Variants in SLC18A1 observed in about 807,000 individuals in gnomAD.
The protein encoded by SLC18A1 is chromaffin granule amine transporter.
SLC18A1 carries 69 observed loss-of-function variants against 53.7 expected under a neutral mutation model. That is an observed-to-expected ratio of 1.28 (90% confidence interval 1.06 to 1.57). The LOEUF (loss-of-function observed/expected upper bound fraction) is 1.57, where lower values mean the gene tolerates loss of function less well. Ranked by LOEUF, SLC18A1 falls within the 40% of genes most tolerant of loss-of-function variation. The pLI, the probability that SLC18A1 is intolerant of heterozygous loss-of-function variation, is 0.00. For missense variants in SLC18A1, 932 were observed against 668.1 expected (o/e 1.40, Z -4.35); for synonymous variants, 320 against 248.1 (o/e 1.29, Z -2.72).
In SLC18A1 at chr8:20,179,129, G is replaced by A. The variant is rs759964977; in HGVS notation, c.480C>T (p.Leu160=). The part of the protein sequence containing the change: ...QLLVNPFVGP[L]TNRIGYHIPM... ...TGCACCCAGTGAGATACCTGTTGGT[G>A]AGAGGGCCCACGAATGGGTTGACCA... Residue 160 remains leucine, a synonymous_variant, in exon 3 of 16, where the codon CTC becomes CTT. Transcript: ENST00000276373. 8.1e-6 allele frequency: 13 copies of A among 1,610,670 alleles called. No individual in the cohort carries two copies. The highest frequency in any genetic ancestry group is 1.6e-4 in the Middle Eastern group (1 of 6,068).
Position 20,147,938 on chromosome 8 carries a change from G to C in SLC18A1, c.1210+69C>G, listed in dbSNP as rs543869222. On this transcript the variant is annotated intron_variant, in intron 13 of 15. Transcript: ENST00000276373. Reference sequence around the variant, plus strand: ...ACCTACCTCCTCTGATGAGAAAAGGGGGAGGAAAGGCATCAGACCCAAAGC... The same window carrying C: ...ACCTACCTCCTCTGATGAGAAAAGGCGGAGGAAAGGCATCAGACCCAAAGC... 3.3e-6 allele frequency: 5 copies of C among 1,538,126 alleles called. No individual in the cohort carries two copies. In the Admixed American group the frequency reaches 5.1e-5, roughly 16 times the overall value.
At chr8:20,149,564 CTG>C in intron 12 of SLC18A1, 110 bp downstream of exon 12, 3 of 815,000 alleles carry the variant, frequency 3.7e-6, no homozygotes, top group Non-Finnish European at 4.0e-6. Context: ...CTTTAAATGT[CTG>C]TGTCTTTCTC....
chr8:20,152,565 T>A (rs1395726392), intron 10 of SLC18A1, among the ~76,000 whole-genome samples: 3 of 151,984 alleles, frequency 2.0e-5, no homozygotes, highest in Non-Finnish European at 4.4e-5. Flanking sequence ...CTTAATCGAT[T>A]GGGTAGCTGG....
At chr8:20,178,542 C>G (rs542460776) in intron 3 of SLC18A1, 49 bp from the exon 4 acceptor site, 5 of 1,334,348 alleles carry the variant, frequency 3.7e-6, no homozygotes, top group African/African-American at 2.9e-5. Context: ...CAGGCACTCA[C>G]ATACATGGAC....
At chr8:20,172,934 G>C (rs945749832) in intron 6 of SLC18A1, 102 bp downstream of exon 6, 19 of 795,188 alleles carry the variant, frequency 2.4e-5, no homozygotes, top group African/African-American at 8.5e-5. Context: ...AATAGGATGA[G>C]GCCAACAAGG....
Position 20,179,170 on chromosome 8 carries a change from C to T in SLC18A1, c.439G>A (p.Ala147Thr). ...GGGTTGACCAGAAGTTGCATCACAG[C>T]CTTTGAAGCAAACAGAACCCCGACC... ...TRVGVLFASK[A>T]VMQLLVNPFV... Residue 147 changes from alanine (A) to threonine (T), a missense_variant, in exon 3 of 16, where the codon GCT becomes ACT. Physicochemically the swap from Ala to Thr is moderately conservative, Grantham distance 58. Transcript: ENST00000276373. The T allele has an allele frequency of 1.9e-6, 3 of 1,614,062 alleles. No individual in the cohort carries two copies. Among genetic ancestry groups the T allele is most frequent in the Non-Finnish European group, 1.7e-6 (2 of 1,179,978 alleles).
chr8:20,150,927 T>G, intron 10 of SLC18A1, 183 bp from the exon 11 acceptor site: 2 of 599,316 alleles, frequency 3.3e-6, no homozygotes, highest in Non-Finnish European at 6.0e-6. Flanking sequence ...ACACCTCTCC[T>G]TTCTTCAGGA....
intron 15 of SLC18A1, 26 bp downstream of exon 15, chr8:20,147,230 TTC>T: frequency 6.4e-7 from 1 of 1,568,570 alleles, no homozygotes. Flanking sequence ...AGAAGTGAAT[TTC>T]TCTTTTAACA....
At chr8:20,178,055 A>T (rs2072293298) in intron 4 of SLC18A1, among the ~76,000 whole-genome samples, 1 of 152,044 alleles carries the variant, frequency 6.6e-6, no homozygotes. Flanking sequence ...ATAACAAAAT[A>T]ATATCATTGC....
At chr8:20,178,368 A>G (rs1185709486) in intron 4 of SLC18A1, 67 bp downstream of exon 4, 3 of 1,290,122 alleles carry the variant, frequency 2.3e-6, no homozygotes, top group East Asian at 2.3e-5. Context: ...TGCTATCTAC[A>G]CCGCATTCAC....
rs534434321 is a variant in SLC18A1 at position 20,147,739 on chromosome 8, C to G, written c.1211-17G>C. 27 of 1,611,082 alleles carry G rather than the reference C, an allele frequency of 1.7e-5. No homozygotes were observed. In the South Asian group the frequency reaches 2.5e-4, roughly 15 times the overall value. ...CCACCATGCCTGTGGCCAGAGCAAA[C>G]AGGACACAGTCAGCCCCACCCACAG... On this transcript the variant is annotated splice_polypyrimidine_tract_variant and intron_variant, in intron 13 of 15. Transcript: ENST00000276373.
At chr8:20,163,468 T>G (rs915791284) in intron 10 of SLC18A1, among the ~76,000 whole-genome samples, 1 of 152,116 alleles carries the variant, frequency 6.6e-6, no homozygotes, top group Non-Finnish European at 1.5e-5. Flanking sequence ...CTGGGCTATT[T>G]CCTCCCCTTG....
At chr8:20,149,614 C>CTCTG (rs1554533930) in intron 12 of SLC18A1, 62 bp downstream of exon 12, 265 of 1,200,808 alleles carry the variant, frequency 2.2e-4, no homozygotes, top group African/African-American at 6.7e-4. Context: ...CTCTCTCTCT[C>CTCTG]TCTGTCTGTC....
intron 4 of SLC18A1, among the ~76,000 whole-genome samples, chr8:20,177,660 G>C (rs2072284328): frequency 6.6e-6 from 1 of 152,120 alleles, no homozygotes; most frequent in Non-Finnish European, 1.5e-5. Context: ...GAAAAGAAAA[G>C]AAAAACGCGA....
chr8:20,171,678 G>A (rs1251843290), intron 6 of SLC18A1, among the ~76,000 whole-genome samples, 184 bp from the exon 7 acceptor site: 1 of 147,266 alleles, frequency 6.8e-6, no homozygotes, highest in Non-Finnish European at 1.5e-5. Flanking sequence ...TTCTAGTGGA[G>A]GAAGTGTGTG....
At chr8:20,151,388 G>A (rs931536640) in intron 10 of SLC18A1, among the ~76,000 whole-genome samples, 2 of 152,046 alleles carry the variant, frequency 1.3e-5, no homozygotes, top group African/African-American at 2.4e-5. Flanking sequence ...GATTATCAGC[G>A]TGAGAATGTG....
chr8:20,155,756 G>T (rs972957977), intron 10 of SLC18A1, among the ~76,000 whole-genome samples: 2 of 152,180 alleles, frequency 1.3e-5, no homozygotes, highest in African/African-American at 2.4e-5. Flanking sequence ...ATTAGAGCAA[G>T]TTGTATCTCC....
chr8:20,163,313 C>A (rs910666440), intron 10 of SLC18A1, among the ~76,000 whole-genome samples: 2 of 152,192 alleles, frequency 1.3e-5, no homozygotes, highest in Admixed American at 6.5e-5. Flanking sequence ...TCCCACTTCT[C>A]AAGACTGTTG....
Position 20,179,152 on chromosome 8 carries a change from C to A in SLC18A1, c.457G>T (p.Val153Phe). The A allele has an allele frequency of 6.2e-7, 1 of 1,613,660 alleles. No individual in the cohort carries two copies. The highest frequency in any genetic ancestry group is 8.5e-7 in the Non-Finnish European group (1 of 1,179,698). ...FASKAVMQLL[V>F]NPFVGPLTNR... Reference sequence around the variant, plus strand: ...GTGAGAGGGCCCACGAATGGGTTGACCAGAAGTTGCATCACAGCCTTTGAA... The same window carrying A: ...GTGAGAGGGCCCACGAATGGGTTGAACAGAAGTTGCATCACAGCCTTTGAA... Residue 153 changes from valine (V) to phenylalanine (F), a missense_variant, in exon 3 of 16, where the codon GTC becomes TTC. By Grantham distance (50) the Val-to-Phe change is conservative (BLOSUM62 -1). Coordinates refer to ENST00000276373, the MANE Select transcript of SLC18A1 (RefSeq NM_003053.4).
Sources: allele counts gnomAD v4.1 joint callset (sites outside exome capture counted in the v4.1 genomes callset), GRCh38; gene constraint gnomAD v4.1.1; transcripts MANE v1.5; gene names NCBI Gene and HGNC (gene_info 2026-07-23, HGNC 2026-07-21).